The following NPAS3 variants were observed in gnomAD, a reference collection of about 807,000 sequenced individuals.
NPAS3 encodes neuronal PAS domain-containing protein 3.
Under a neutral mutation model 73.1 loss-of-function variants are expected in NPAS3, and 14 were observed. The ratio of observed to expected loss-of-function variants is 0.19; its 90% CI spans 0.13 to 0.30. NPAS3 has a LOEUF of 0.30. Ranked by LOEUF, NPAS3 falls within the 10% of genes least tolerant of loss-of-function variation. The probability of loss-of-function intolerance (pLI) is 1.00; values close to 1 mark genes in which losing one functional copy is unlikely to be tolerated. For synonymous variants in NPAS3, 620 were observed against 541.5 expected (o/e 1.14, Z -2.01); for missense variants, 1,096 against 1,250.0 (o/e 0.88, Z 1.86).
intron 1 of NPAS3, among the ~76,000 whole-genome samples, chr14:33,019,034 CTT>C (rs2039496041): frequency 6.6e-6 from 1 of 151,988 alleles, no homozygotes; most frequent in South Asian, 2.1e-4. Flanking sequence ...GGTTTTCTTT[CTT>C]TCTTTTTAAT....
intron 7 of NPAS3, 119 bp from the exon 8 acceptor site, chr14:33,774,218 A>G (rs2062741122): frequency 1.4e-6 from 1 of 712,838 alleles, no homozygotes; most frequent in South Asian, 2.0e-5. Context: ...CATTATGATT[A>G]CAGAAGATAC....
At chr14:32,992,396 A>G (rs1279089951) in intron 1 of NPAS3, among the ~76,000 whole-genome samples, 2 of 152,180 alleles carry the variant, frequency 1.3e-5, no homozygotes, top group East Asian at 3.9e-4. Flanking sequence ...TAGAAATTTC[A>G]TAGGTATTTA....
chr14:33,078,270 A>G (rs72676758), intron 2 of NPAS3, among the ~76,000 whole-genome samples: 349 of 152,368 alleles, frequency 2.3e-3, no homozygotes, highest in Admixed American at 4.8e-3. Flanking sequence ...CACAGACCCA[A>G]TGATAGAGTT....
chr14:33,765,860 G>A (rs995985161), intron 7 of NPAS3, among the ~76,000 whole-genome samples: 13 of 152,094 alleles, frequency 8.5e-5, no homozygotes, highest in Non-Finnish European at 2.9e-5. Flanking sequence ...TTGCTGTTAT[G>A]CGGATTCCCA....
At chr14:33,630,607 C>T (rs1179091662) in intron 5 of NPAS3, among the ~76,000 whole-genome samples, 2 of 152,176 alleles carry the variant, frequency 1.3e-5, no homozygotes, top group African/African-American at 4.8e-5. Context: ...TGTTATCAAA[C>T]CATATCTACA....
intron 1 of NPAS3, among the ~76,000 whole-genome samples, chr14:33,017,679 A>G (rs1202386873): frequency 6.6e-6 from 1 of 152,166 alleles, no homozygotes; most frequent in Admixed American, 6.5e-5. Flanking sequence ...TCATTAGCTG[A>G]GTGACCGTGA....
rs117634816 is a variant in NPAS3, at chr14:32,961,683, C to T, written c.50+22317C>T. On this transcript the variant is annotated intron_variant, in intron 1 of 11. Transcript: ENST00000356141. ...GAATGCAACATTTCTTGAACTTTGT[C>T]TCAGTCACCATGCTGAGAGCTTTAC... Among the ~76,000 whole-genome samples the T allele has an allele frequency of 2.0e-3, 309 of 152,232 alleles. 7 individuals carry two copies. In the East Asian group the frequency reaches 0.051, roughly 25 times the overall value.
At chr14:33,198,251 C>G (rs746093626) in intron 2 of NPAS3, among the ~76,000 whole-genome samples, 5 of 152,028 alleles carry the variant, frequency 3.3e-5, no homozygotes, top group Non-Finnish European at 4.4e-5. Flanking sequence ...GGAAGGGGAC[C>G]CAAGCAGTTT....
In NPAS3 at chr14:33,241,959, T is replaced by A. The variant is rs976636083; in HGVS notation, c.385+26533T>A. 5.3e-5 allele frequency among the ~76,000 whole-genome samples: 8 copies of A among 152,186 alleles called. No homozygotes were observed. The South Asian group carries it at 1.4e-3, about 28-fold the overall frequency. On this transcript the variant is annotated intron_variant, in intron 3 of 11. Coordinates refer to ENST00000356141, the Ensembl canonical transcript of NPAS3. ...TTGATGTAACATGAAAATAGTTTCA[T>A]GTTTTAAATAATAAGTGATAAACTT...
chr14:33,566,761 T>C (rs1419808565), intron 5 of NPAS3, among the ~76,000 whole-genome samples: 2 of 152,208 alleles, frequency 1.3e-5, no homozygotes, highest in African/African-American at 4.8e-5. Context: ...CATCTTTACA[T>C]AGAACCCTTC....
intron 2 of NPAS3, among the ~76,000 whole-genome samples, chr14:33,128,491 C>G (rs10150325): frequency 0.24 from 36,562 of 151,944 alleles, 4,614 homozygotes; most frequent in East Asian, 0.38. Context: ...AATTTTATGA[C>G]TAAAATACTA....
rs371230319 is a variant in NPAS3 at position 33,365,201 on chromosome 14, C to CAAAAAAAAAAAAA, written c.386-1976_386-1964dup. The stretch of plus-strand genomic sequence containing the variant: ...CAAAAGCCACCCACCCCCATAATCT[C>CAAAAAAAAAAAAA]AAAAAAAAAAAAAAAAAAAAAGGCT... On this transcript the variant is annotated intron_variant, in intron 3 of 11. Coordinates refer to ENST00000356141, the Ensembl canonical transcript of NPAS3. 1.6e-4 allele frequency among the ~76,000 whole-genome samples: 7 copies of CAAAAAAAAAAAAA among 45,070 alleles called. 1 individual carries two copies. The highest frequency in any genetic ancestry group is 4.3e-4 in the African/African-American group (4 of 9,330). 29.6% of individuals were successfully genotyped at this position (45,070 alleles called of 152,430 possible).
intron 1 of NPAS3, among the ~76,000 whole-genome samples, chr14:33,019,147 G>A (rs2039499161): frequency 6.6e-6 from 1 of 152,174 alleles, no homozygotes; most frequent in South Asian, 2.1e-4. Flanking sequence ...AAGGAAGTGT[G>A]TTTGATTCGT....
chr14:33,422,321 C>T (rs1264730008), intron 4 of NPAS3, among the ~76,000 whole-genome samples: 1 of 151,700 alleles, frequency 6.6e-6, no homozygotes, highest in Non-Finnish European at 1.5e-5. Flanking sequence ...GTAAAGATGG[C>T]AGTGTTTTGT....
chr14:33,800,491 G>A lies in NPAS3; in HGVS notation c.2184G>A (p.Lys728=). The change falls in exon 12 of 12, where the codon AAG becomes AAA. Residue 728 remains lysine, a synonymous_variant. Coordinates refer to ENST00000356141, the Ensembl canonical transcript of NPAS3. This position sits in a 1 kb window ranked among gnomAD's most constrained non-coding sequence, Gnocchi z 6.5. ...GCGCCGACGGCGCGGCCGCCCGCAA[G>A]ACTCAGTTCGGCGCCTCGGCCACCG... 1 of 1,468,840 alleles carries A rather than the reference G, an allele frequency of 6.8e-7. No individual in the cohort carries two copies. Among genetic ancestry groups the A allele is most frequent in the Non-Finnish European group, 9.0e-7 (1 of 1,117,220 alleles). 91.0% of individuals were successfully genotyped at this position (1,468,840 alleles called of 1,614,324 possible).
At chr14:32,998,687 C>T (rs1426317658) in intron 1 of NPAS3, among the ~76,000 whole-genome samples, 1 of 152,184 alleles carries the variant, frequency 6.6e-6, no homozygotes, top group African/African-American at 2.4e-5. Context: ...CCTGTAGTTT[C>T]CTCTCACCCA....
At chr14:33,778,068 G>T (rs1165096625) in intron 8 of NPAS3, among the ~76,000 whole-genome samples, 1 of 152,166 alleles carries the variant, frequency 6.6e-6, no homozygotes, top group Admixed American at 6.5e-5. Flanking sequence ...TAAATGAAAG[G>T]TGTCTCTAAT....
intron 5 of NPAS3, among the ~76,000 whole-genome samples, chr14:33,632,268 C>A (rs1227393679): frequency 6.6e-6 from 1 of 152,096 alleles, no homozygotes; most frequent in Admixed American, 6.5e-5. Context: ...GTTCTCGAAG[C>A]TCGGTATTCA....
At chr14:33,793,538 T>C (rs1566548307) in intron 9 of NPAS3, among the ~76,000 whole-genome samples, 2 of 152,222 alleles carry the variant, frequency 1.3e-5, no homozygotes, top group African/African-American at 4.8e-5. Context: ...ATAAATCACA[T>C]ACAAATTTGC....
Sources: gnomAD v4.1 joint callset for allele counts (sites outside exome capture counted in the v4.1 genomes callset) on GRCh38, gnomAD v4.1.1 for gene constraint, Gnocchi (gnomAD v3.1) non-coding constraint, MANE v1.5 for transcripts, NCBI Gene and HGNC (gene_info 2026-07-23, HGNC 2026-07-21) for gene names.